The following KIN variants were observed in gnomAD, a reference collection of about 807,000 sequenced individuals.
KIN encodes DNA/RNA-binding protein KIN17.
Under a neutral mutation model 63.0 loss-of-function variants are expected in KIN, and 47 were observed. The ratio of observed to expected loss-of-function variants is 0.75; its 90% CI spans 0.59 to 0.95. KIN has a LOEUF of 0.95. Ranked by LOEUF, KIN falls within the 40% of genes least tolerant of loss-of-function variation. KIN has a pLI of 0.00. For synonymous variants in KIN, 160 were observed against 157.7 expected, an observed-to-expected ratio of 1.01 and a Z score of -0.11; for missense variants, 408 against 460.9, an observed-to-expected ratio of 0.89 and a Z score of 1.05.
intron 8 of KIN, among the ~76,000 whole-genome samples, chr10:7,767,729 G>A (rs1292920414): frequency 6.6e-6 from 1 of 151,738 alleles, no homozygotes; most frequent in East Asian, 1.9e-4. Flanking sequence ...CATGGTGGCG[G>A]GTGCCTGTAA....
intron 9 of KIN, among the ~76,000 whole-genome samples, chr10:7,765,113 C>A (rs1588473801): frequency 7.0e-6 from 1 of 143,184 alleles, no homozygotes; most frequent in Non-Finnish European, 1.5e-5. Flanking sequence ...GAGCTGAGAT[C>A]GTGCCATTGC....
At chr10:7,783,991 T>C (rs1203264425) in intron 1 of KIN, among the ~76,000 whole-genome samples, 1 of 152,230 alleles carries the variant, frequency 6.6e-6, no homozygotes, top group African/African-American at 2.4e-5. Context: ...CTTTAGATCA[T>C]GGACCTCTTA....
chr10:7,761,662 ATATTGTATAAAAT>A (rs1382721018), intron 11 of KIN, among the ~76,000 whole-genome samples: 14 of 152,348 alleles, frequency 9.2e-5, no homozygotes, highest in African/African-American at 3.4e-4. Context: ...ATTATTTAAA[ATATTGTATAAAAT>A]TACCTTCAGG....
chr10:7,764,670 T>C (rs751362628), intron 9 of KIN, among the ~76,000 whole-genome samples: 17 of 152,238 alleles, frequency 1.1e-4, no homozygotes, highest in South Asian at 2.1e-4. Flanking sequence ...GTCTCTCTTT[T>C]AAGACTTTCT....
intron 1 of KIN, among the ~76,000 whole-genome samples, chr10:7,784,333 A>C (rs946575627): frequency 5.9e-5 from 9 of 152,242 alleles, no homozygotes; most frequent in African/African-American, 2.2e-4. Flanking sequence ...CTGTAATCCC[A>C]GCACTTTGGG....
intron 7 of KIN, among the ~76,000 whole-genome samples, chr10:7,774,556 C>T (rs1835729799): frequency 6.6e-6 from 1 of 151,722 alleles, no homozygotes; most frequent in Non-Finnish European, 1.5e-5. Flanking sequence ...CACAGTAGGG[C>T]GTGCCTGTAA....
At chr10:7,761,874 T>C (rs1035595432) in intron 11 of KIN, among the ~76,000 whole-genome samples, 1 of 152,074 alleles carries the variant, frequency 6.6e-6, no homozygotes, top group South Asian at 2.1e-4. Flanking sequence ...TGGTGATGCA[T>C]GCCTGTAATC....
In KIN at chr10:7,771,625, G is replaced by A. The variant is rs1835667142; in HGVS notation, c.669-2280C>T. Among the ~76,000 whole-genome samples the A allele has an allele frequency of 2.6e-5, 4 of 152,258 alleles. No homozygotes were observed. In the South Asian group the frequency reaches 8.3e-4, roughly 32 times the overall value. On this transcript the variant is annotated intron_variant, in intron 7 of 12. Coordinates refer to ENST00000379562, the MANE Select transcript of KIN (RefSeq NM_012311.4). ...AAACTCAACTGGGCCGGGCGCGGTGGCTCATGCCTGAAATCCCGGCACTTT... is the reference window on the plus strand; with the variant it reads ...AAACTCAACTGGGCCGGGCGCGGTGACTCATGCCTGAAATCCCGGCACTTT...
At position 7,778,845 on chromosome 10, in the gene KIN, T is replaced by C. The variant is rs368815639; in HGVS notation, c.551A>G (p.Lys184Arg). ...ATGATGTTGCTTACCCACCTGTTCC[T>C]TCCCTTCCAGGCCTCTTCTCACTTG... ...EEQVRRGLEG[K>R]EQEVPTFTEL... Residue 184 changes from lysine (K) to arginine (R), a missense_variant, in exon 5 of 13, where the codon AAG becomes AGG. Transcript: ENST00000379562. 45 of 1,613,634 alleles carry C rather than the reference T, an allele frequency of 2.8e-5. No individual in the cohort carries two copies. In the African/African-American group the frequency reaches 5.2e-4, roughly 19 times the overall value.
chr10:7,787,758 G>A (rs1836057325), intron 1 of KIN, 62 bp downstream of exon 1: 8 of 1,330,778 alleles, frequency 6.0e-6, no homozygotes, highest in Middle Eastern at 3.6e-4. Context: ...CCGCGTCCAG[G>A]ACCTGATCCT....
rs1040519661 is a variant in KIN, at chr10:7,754,318, G to C, written c.*1762C>G. 8.1e-5 allele frequency: 25 copies of C among 308,082 alleles called. No homozygotes were observed. Among genetic ancestry groups the C allele is most frequent in the African/African-American group, 5.1e-4 (23 of 45,322 alleles). The allele number at this position is 308,082 out of a possible 1,614,324, so 19.1% of individuals were successfully genotyped here. Reference sequence around the variant, plus strand: ...CCACTGCACTCCAGGCTGGATGACAGAGCAAGACCCTATCTCAAAAAACAG... The same window carrying C: ...CCACTGCACTCCAGGCTGGATGACACAGCAAGACCCTATCTCAAAAAACAG... On this transcript the variant is annotated 3_prime_UTR_variant, in exon 13 of 13. Transcript: ENST00000379562.
chr10:7,763,735 C>G lies in KIN; in HGVS notation c.906G>C (p.Lys302Asn). 1.3e-6 allele frequency: 2 copies of G among 1,488,214 alleles called. No homozygotes were observed. The highest frequency in any genetic ancestry group is 1.9e-6 in the Non-Finnish European group (2 of 1,078,220). The allele number at this position is 1,488,214 out of a possible 1,614,324, so 92.2% of individuals were successfully genotyped here. A position where few individuals can be genotyped will look rare whatever the true frequency, so the allele number is the denominator to read the frequency against. The stretch of plus-strand genomic sequence containing the variant: ...TGCACGTCCTTACCTTAACAATAGC[C>G]TTTTTCTTATGATATTTCTCTCCCA... ...KKLGEKYHKKKAIVKEVIDKY... is the reference protein window; with the variant it reads ...KKLGEKYHKKNAIVKEVIDKY... The change falls in exon 10 of 13, where the codon AAG (lysine) becomes AAC (asparagine). Residue 302 changes from lysine (K) to asparagine (N), a missense_variant. By Grantham distance (94) the Lys-to-Asn change is moderately conservative. Transcript: ENST00000379562.
At chr10:7,782,484 T>C (rs1327848618) in intron 2 of KIN, among the ~76,000 whole-genome samples, 2 of 151,692 alleles carry the variant, frequency 1.3e-5, no homozygotes, top group Admixed American at 1.3e-4. Context: ...CTGCAACCTC[T>C]GCCTCCCCGG....
intron 7 of KIN, among the ~76,000 whole-genome samples, chr10:7,773,611 A>C (rs1211552738): frequency 6.6e-6 from 1 of 152,214 alleles, no homozygotes; most frequent in Non-Finnish European, 1.5e-5. Flanking sequence ...GACATCTGGC[A>C]AATCATTTTA....
chr10:7,763,692 AC>A, intron 10 of KIN, 30 bp downstream of exon 10: 1 of 1,281,744 alleles, frequency 7.8e-7, no homozygotes, highest in Non-Finnish European at 1.1e-6. Flanking sequence ...AGCTTTTTTC[AC>A]AAATTCCATT....
Position 7,753,282 on chromosome 10 carries a change from A to C in KIN, c.*2798T>G, listed in dbSNP as rs933437869. On this transcript the variant is annotated 3_prime_UTR_variant, in exon 13 of 13. Coordinates refer to ENST00000379562, the MANE Select transcript of KIN (RefSeq NM_012311.4). ...CCTCATTTCATTCTGAAATAATTTC[A>C]GAAAGACGTTGGAGAATTAAATGTG... 3 of 152,208 alleles carry C rather than the reference A, an allele frequency of 2.0e-5. No homozygotes were observed. The highest frequency in any genetic ancestry group is 6.5e-5 in the Admixed American group (1 of 15,280). 9.4% of individuals were successfully genotyped at this position (152,208 alleles called of 1,614,324 possible).
At chr10:7,761,960 C>T (rs1363174930) in intron 11 of KIN, among the ~76,000 whole-genome samples, 7 of 151,766 alleles carry the variant, frequency 4.6e-5, no homozygotes, top group South Asian at 4.1e-4. Context: ...AAGATCGTGC[C>T]GCCACACTCC....
chr10:7,758,287 C>A (rs1564313650), intron 12 of KIN, among the ~76,000 whole-genome samples: 1 of 152,122 alleles, frequency 6.6e-6, no homozygotes, highest in Non-Finnish European at 1.5e-5. Flanking sequence ...CCGGGCTGGT[C>A]TCGAACTCCT....
At chr10:7,775,268 A>C (rs1018010725) in intron 6 of KIN, among the ~76,000 whole-genome samples, 5 of 152,228 alleles carry the variant, frequency 3.3e-5, no homozygotes, top group African/African-American at 1.2e-4. Context: ...ACATAATCCC[A>C]GTGACTGCTT....
Sources: gnomAD v4.1 joint callset for allele counts (sites outside exome capture counted in the v4.1 genomes callset) on GRCh38, gnomAD v4.1.1 for gene constraint, MANE v1.5 for transcripts, NCBI Gene and HGNC (gene_info 2026-07-23, HGNC 2026-07-21) for gene names.